CASP6: variants seen among roughly 807,000 people sequenced by gnomAD.
CASP6 encodes the protein caspase-6.
Under a neutral mutation model 31.8 loss-of-function variants are expected in CASP6, and 20 were observed. The ratio of observed to expected loss-of-function variants is 0.63; its 90% confidence interval spans 0.44 to 0.91. The LOEUF (loss-of-function observed/expected upper bound fraction) is 0.91. Among genes scored for constraint, CASP6 ranks in the 40% least tolerant of loss-of-function variants. The probability of loss-of-function intolerance (pLI) is 0.00; values close to 1 mark genes in which losing one functional copy is unlikely to be tolerated. For missense variants in CASP6, 328 were observed against 361.1 expected (o/e 0.91, Z 0.74); for synonymous variants, 130 against 127.8 (o/e 1.02, Z -0.12).
At chr4:109,681,409 C>T in the CASP6 span, 2 of 445,106 alleles carry the variant, frequency 4.5e-6, no homozygotes, top group Non-Finnish European at 9.0e-6. Context: ...TTGTCTCTGG[C>T]GATCTACCTT....
chr4:109,671,560 C>T, the CASP6 span, among the ~76,000 whole-genome samples: 1 of 151,912 alleles, frequency 6.6e-6, no homozygotes, highest in East Asian at 1.9e-4. Context: ...GTTTTTATTT[C>T]TAGCAATTCC....
chr4:109,706,023 T>TATATATATA (rs1175779023), upstream of CASP6, among the ~76,000 whole-genome samples: 1 of 96,326 alleles, frequency 1.0e-5, no homozygotes, highest in Non-Finnish European at 2.0e-5. Flanking sequence ...TATATATATA[T>TATATATATA]ATATATATAA....
chr4:109,697,978 A>G (rs1445844049), intron 2 of CASP6, among the ~76,000 whole-genome samples: 1 of 152,168 alleles, frequency 6.6e-6, no homozygotes, highest in Non-Finnish European at 1.5e-5. Flanking sequence ...TGCCATCCTG[A>G]CACATCCCTA....
the CASP6 span, among the ~76,000 whole-genome samples, chr4:109,677,674 C>T: frequency 7.4e-3 from 1,127 of 152,184 alleles, 27 homozygotes; most frequent in South Asian, 0.059. Flanking sequence ...CCTGCTTGCT[C>T]TCTCTCACCC....
upstream of CASP6, chr4:109,703,703 C>T (rs975612772): frequency 2.1e-6 from 1 of 479,264 alleles, no homozygotes; most frequent in African/African-American, 2.0e-5. Context: ...AGTTGCCACC[C>T]GGGGGGACAC....
intron 5 of CASP6, among the ~76,000 whole-genome samples, chr4:109,693,864 G>A (rs548896672): frequency 1.1e-4 from 16 of 151,316 alleles, no homozygotes; most frequent in East Asian, 2.0e-4. Context: ...TCAGCTTCCC[G>A]AATGGCTGGG....
chr4:109,707,993 A>C (rs1207399629), upstream of CASP6, among the ~76,000 whole-genome samples: 1 of 152,230 alleles, frequency 6.6e-6, no homozygotes, highest in Non-Finnish European at 1.5e-5. Context: ...TTTTAAAAGT[A>C]AGCAACCTTA....
chr4:109,701,530 C>T (rs1289904448), intron 1 of CASP6, among the ~76,000 whole-genome samples: 1 of 151,998 alleles, frequency 6.6e-6, no homozygotes, highest in African/African-American at 2.4e-5. Flanking sequence ...AGGTTTCAAG[C>T]GATTCTCCTG....
chr4:109,708,886 G>A, the CASP6 span, among the ~76,000 whole-genome samples: 1 of 152,112 alleles, frequency 6.6e-6, no homozygotes, highest in African/African-American at 2.4e-5. Context: ...GCCTCTTAAA[G>A]CAACAGCTAG....
chr4:109,686,184 C>G (rs570639008), downstream of CASP6, among the ~76,000 whole-genome samples: 1 of 152,194 alleles, frequency 6.6e-6, no homozygotes, highest in African/African-American at 2.4e-5. Context: ...GTTGCCCACA[C>G]TAGAGTGTAG....
intron 5 of CASP6, among the ~76,000 whole-genome samples, chr4:109,693,186 G>T (rs5030579): frequency 6.6e-6 from 1 of 152,084 alleles, no homozygotes; most frequent in Admixed American, 6.6e-5. Flanking sequence ...GCTTCCTAAG[G>T]CCTCACCAGA....
Position 109,689,531 on chromosome 4 carries a change from C to T in CASP6, c.681G>A (p.Trp227Ter). ...ACATCTCACACAAATCTTGAATGTA[C>T]CATGAGCCGTTCACAGTTTCCCGGT... ...YSHRETVNGS[W>*]YIQDLCEMLG... Residue 227 changes from tryptophan to a stop codon, truncating the protein, a stop_gained, in exon 7 of 7, where the codon TGG (tryptophan) becomes TGA (stop). Transcript: ENST00000265164. LOFTEE classifies it high-confidence loss of function. The T allele has an allele frequency of 6.2e-7, 1 of 1,614,118 alleles. No homozygotes were observed. The highest frequency in any genetic ancestry group is 8.5e-7 in the Non-Finnish European group (1 of 1,180,020).
upstream of CASP6, among the ~76,000 whole-genome samples, chr4:109,706,040 T>TATATATAA (rs1202688202): frequency 2.0e-5 from 2 of 97,938 alleles, no homozygotes; most frequent in African/African-American, 7.5e-5. Flanking sequence ...ATAATATATA[T>TATATATAA]AAAATACATA....
In CASP6 at chr4:109,694,493, T is replaced by C. The variant is rs4986786; in HGVS notation, c.483+32A>G. On this transcript the variant is annotated intron_variant, in intron 5 of 6. Coordinates refer to ENST00000265164, the MANE Select transcript of CASP6 (RefSeq NM_001226.4). ...ATCACATGTTCAGAATGACAGACTT[T>C]ATAATTAAGATGATAATGTACTCAG... is the stretch of plus-strand genomic sequence containing the variant. The C allele has an allele frequency of 8.9e-4, 1,334 of 1,495,748 alleles. 13 individuals carry two copies. The African/African-American group carries it at 0.016, about 18-fold the overall frequency. 92.7% of individuals were successfully genotyped at this position (1,495,748 alleles called of 1,614,324 possible). A position where few individuals can be genotyped will look rare whatever the true frequency, so the allele number is the denominator to read the frequency against.
intron 5 of CASP6, among the ~76,000 whole-genome samples, chr4:109,691,588 A>T (rs1730058202): frequency 6.6e-6 from 1 of 152,206 alleles, no homozygotes; most frequent in South Asian, 2.1e-4. Flanking sequence ...TAGACTCATA[A>T]TTAACATTAA....
At chr4:109,674,491 A>AC in the CASP6 span, among the ~76,000 whole-genome samples, 3 of 152,224 alleles carry the variant, frequency 2.0e-5, no homozygotes, top group Non-Finnish European at 4.4e-5. Context: ...GATGTTGTAT[A>AC]AGAGTCCTAT....
At chr4:109,671,680 C>T in the CASP6 span, among the ~76,000 whole-genome samples, 1 of 152,224 alleles carries the variant, frequency 6.6e-6, no homozygotes, top group Non-Finnish European at 1.5e-5. Flanking sequence ...TACTATCCTA[C>T]TCTGATACTT....
At chr4:109,705,693 A>G (rs1730578419), upstream of CASP6, among the ~76,000 whole-genome samples, 1 of 151,894 alleles carries the variant, frequency 6.6e-6, no homozygotes, top group Admixed American at 6.6e-5. Context: ...TTAAAAGTAC[A>G]TGTATCAGCC....
chr4:109,682,459 A>T, the CASP6 span: 1 of 754,112 alleles, frequency 1.3e-6, no homozygotes, highest in Non-Finnish European at 2.2e-6. Context: ...ATGTTTGTAC[A>T]CCAGCTTCCT....
Sources: allele counts gnomAD v4.1 joint callset (sites outside exome capture counted in the v4.1 genomes callset), GRCh38; gene constraint gnomAD v4.1.1; transcripts MANE v1.5; gene names NCBI Gene and HGNC (gene_info 2026-07-23, HGNC 2026-07-21).